The following MAP2 variants were observed in gnomAD, a reference collection of about 807,000 sequenced individuals.
The protein encoded by MAP2 is microtubule associated protein 2, also known as microtubule-associated protein 2.
A neutral mutation model predicts 137.6 loss-of-function variants in MAP2; 14 were observed. That is an observed-to-expected ratio of 0.10 (90% CI 0.07 to 0.16). The LOEUF is 0.16. MAP2 is among the 10% of genes least tolerant of loss of function. The pLI is 1.00. For missense variants in MAP2, 2,088 were observed against 2,191.5 expected, an observed-to-expected ratio of 0.95 and a Z score of 0.94; for synonymous variants, 786 against 782.3, an observed-to-expected ratio of 1.00 and a Z score of -0.08.
chr2:209,452,606 G>T (rs750788258), intron 1 of MAP2, among the ~76,000 whole-genome samples: 3 of 152,166 alleles, frequency 2.0e-5, no homozygotes, highest in South Asian at 2.1e-4. Context: ...AGTTGGATTA[G>T]AATAAAACCA....
intron 2 of MAP2, among the ~76,000 whole-genome samples, chr2:209,576,333 T>G (rs1176485505): frequency 6.6e-6 from 1 of 152,134 alleles, no homozygotes; most frequent in African/African-American, 2.4e-5. Flanking sequence ...AACCTCCACC[T>G]CTTGGGTTCA....
In MAP2 at chr2:209,693,679, G is replaced by A. The variant is rs759750003; in HGVS notation, c.1509G>A (p.Leu503=). Residue 503 remains leucine, a synonymous_variant, in exon 8 of 16, where the codon TTG becomes TTA. Coordinates refer to ENST00000682079, the MANE Select transcript of MAP2 (RefSeq NM_001375505.1). ...MLKQDSFPVS[L]EQAVTDSAMT... ...AACAGGACTCGTTCCCTGTAAGTTT[G>A]GAGCAAGCAGTTACAGATTCAGCCA... 6.2e-7 allele frequency: 1 copy of A among 1,613,674 alleles called. No individual in the cohort carries two copies. Among genetic ancestry groups the A allele is most frequent in the South Asian group, 1.1e-5 (1 of 91,028 alleles).
rs758709004 is a variant in MAP2, at chr2:209,695,358, A to G, written c.3188A>G (p.Asp1063Gly). The G allele has an allele frequency of 4.3e-6, 7 of 1,613,786 alleles. No homozygotes were observed. The highest frequency in any genetic ancestry group is 2.7e-5 in the African/African-American group (2 of 74,916). The change falls in exon 8 of 16, where the codon GAT (aspartate) becomes GGT (glycine). Residue 1063 changes from aspartate (D) to glycine (G), a missense_variant. By Grantham distance (94) the Asp-to-Gly change is moderately conservative. Coordinates refer to ENST00000682079, the MANE Select transcript of MAP2 (RefSeq NM_001375505.1). Reference sequence around the variant, plus strand: ...CAGATGGCTTCAGGGCTAAACATAGATGATAGAAGGGCAACAGAGCTAAAA... The same window carrying G: ...CAGATGGCTTCAGGGCTAAACATAGGTGATAGAAGGGCAACAGAGCTAAAA... Reference protein sequence around the residue: ...FGQMASGLNIDDRRATELKLE... With the variant: ...FGQMASGLNIGDRRATELKLE...
chr2:209,660,842 C>A (rs1286435038), intron 5 of MAP2, among the ~76,000 whole-genome samples: 1 of 150,056 alleles, frequency 6.7e-6, no homozygotes, highest in African/African-American at 2.4e-5. Flanking sequence ...CACACCCATT[C>A]TCCTGCCTCA....
At chr2:209,721,282 G>T (rs745998349) in intron 13 of MAP2, among the ~76,000 whole-genome samples, 4 of 152,226 alleles carry the variant, frequency 2.6e-5, no homozygotes, top group South Asian at 4.1e-4. Flanking sequence ...GTCTAGAGAG[G>T]CCAGTTACAT....
chr2:209,675,270 C>A (rs1319627148), intron 5 of MAP2, among the ~76,000 whole-genome samples: 1 of 151,624 alleles, frequency 6.6e-6, no homozygotes, highest in Non-Finnish European at 1.5e-5. Flanking sequence ...TAAACATATA[C>A]AAAAATAAAA....
chr2:209,613,189 A>G (rs2087608363), intron 3 of MAP2, among the ~76,000 whole-genome samples: 4 of 152,072 alleles, frequency 2.6e-5, no homozygotes, highest in Admixed American at 2.6e-4. Flanking sequence ...ACCACCCAAA[A>G]CATGAGGCAA....
chr2:209,559,479 C>CAAAAAAA (rs59788211), intron 2 of MAP2, among the ~76,000 whole-genome samples: 777 of 37,572 alleles, frequency 0.021, no homozygotes, highest in African/African-American at 0.037. Flanking sequence ...GCCAAAAATA[C>CAAAAAAA]AAAAAAAAAA....
In MAP2 at chr2:209,437,437, A is replaced by G. The variant is rs188573563; in HGVS notation, c.-222+13161A>G. ...ATTCAAACTGAAATCTGGGACTTAT[A>G]GTATAACTGTGAATTTTGATTTTTG... On this transcript the variant is annotated intron_variant, in intron 1 of 15. Transcript: ENST00000682079. Among the ~76,000 whole-genome samples, 319 of 151,778 alleles carry G rather than the reference A, an allele frequency of 2.1e-3. 2 individuals carry two copies. Among genetic ancestry groups the G allele is most frequent in the Non-Finnish European group, 2.1e-3 (144 of 67,708 alleles).
rs1465418960 is a variant in MAP2, at chr2:209,443,315, G to A, written c.-222+19039G>A. On this transcript the variant is annotated intron_variant, in intron 1 of 15. Coordinates refer to ENST00000682079, the MANE Select transcript of MAP2 (RefSeq NM_001375505.1). Reference sequence around the variant, plus strand: ...TGTCTATTTATACTTCTTGCAGGAAGTAACCATCATATTCATTTTTGTAAA... The same window carrying A: ...TGTCTATTTATACTTCTTGCAGGAAATAACCATCATATTCATTTTTGTAAA... Among the ~76,000 whole-genome samples, 20 of 151,208 alleles carry A rather than the reference G, an allele frequency of 1.3e-4. No homozygotes were observed. In the Admixed American group the frequency reaches 1.3e-3, roughly 10 times the overall value.
intron 2 of MAP2, among the ~76,000 whole-genome samples, chr2:209,524,394 A>G (rs2150441905): frequency 6.6e-6 from 1 of 152,124 alleles, no homozygotes; most frequent in Admixed American, 6.6e-5. Context: ...TAAGCAATAT[A>G]ATTCACTGGA....
chr2:209,616,005 C>T (rs1420205678), intron 3 of MAP2, among the ~76,000 whole-genome samples: 1 of 152,184 alleles, frequency 6.6e-6, no homozygotes, highest in African/African-American at 2.4e-5. Flanking sequence ...GTGAGGGCAC[C>T]ATTTCTCCCC....
intron 3 of MAP2, among the ~76,000 whole-genome samples, chr2:209,581,819 T>C (rs2076484821): frequency 6.6e-6 from 1 of 152,186 alleles, no homozygotes; most frequent in Admixed American, 6.5e-5. Flanking sequence ...TTTGTCTGGA[T>C]ATTGGAGAAG....
chr2:209,590,750 G>T (rs996015584), intron 3 of MAP2, among the ~76,000 whole-genome samples: 2 of 152,126 alleles, frequency 1.3e-5, no homozygotes, highest in African/African-American at 4.8e-5. Flanking sequence ...TACATTTCTA[G>T]TATCACAGTG....
intron 4 of MAP2, among the ~76,000 whole-genome samples, chr2:209,633,141 A>G (rs1436584150): frequency 6.6e-6 from 1 of 152,048 alleles, no homozygotes; most frequent in Non-Finnish European, 1.5e-5. Flanking sequence ...TTAATTATTT[A>G]TTTTTGTATG....
At chr2:209,505,699 C>T (rs1036189087) in intron 1 of MAP2, among the ~76,000 whole-genome samples, 5 of 149,718 alleles carry the variant, frequency 3.3e-5, no homozygotes, top group Non-Finnish European at 5.9e-5. Context: ...TGGCCAGGCA[C>T]GGTGGCTTAT....
intron 2 of MAP2, among the ~76,000 whole-genome samples, chr2:209,572,834 G>A (rs1049024738): frequency 2.0e-5 from 3 of 152,146 alleles, no homozygotes; most frequent in Admixed American, 1.3e-4. Flanking sequence ...AAAAACAAAA[G>A]ACAGCCATGA....
chr2:209,454,953 T>C lies in MAP2; in HGVS notation c.-222+30677T>C, dbSNP rs534308893. ...ACAAGGTGCCAGAAGATTCAGTTCCTGGTAAAGACTGTCTTCCTGGACTGT... is the reference window on the plus strand; with the variant it reads ...ACAAGGTGCCAGAAGATTCAGTTCCCGGTAAAGACTGTCTTCCTGGACTGT... On this transcript the variant is annotated intron_variant, in intron 1 of 15. Coordinates refer to ENST00000682079, the MANE Select transcript of MAP2 (RefSeq NM_001375505.1). 2.6e-5 allele frequency among the ~76,000 whole-genome samples: 4 copies of C among 152,298 alleles called. No homozygotes were observed. The East Asian group carries it at 7.7e-4, about 29-fold the overall frequency.
intron 2 of MAP2, among the ~76,000 whole-genome samples, chr2:209,545,297 A>G (rs1416648151): frequency 6.6e-6 from 1 of 152,230 alleles, no homozygotes; most frequent in Admixed American, 6.5e-5. Flanking sequence ...CTTGTAGATG[A>G]AATCCATCTG....
Sources: allele counts gnomAD v4.1 joint callset (sites outside exome capture counted in the v4.1 genomes callset), GRCh38; gene constraint gnomAD v4.1.1; transcripts MANE v1.5; gene names NCBI Gene and HGNC (gene_info 2026-07-23, HGNC 2026-07-21).